ATXN1: variants seen among roughly 807,000 people sequenced by gnomAD.
The protein encoded by ATXN1 is ataxin-1.
A neutral mutation model predicts 56.4 loss-of-function variants in ATXN1; 8 were observed. The observed-to-expected ratio is 0.14, with a 90% CI of 0.08 to 0.26. ATXN1 has a LOEUF of 0.26. Ranked by LOEUF, ATXN1 falls within the 10% of genes least tolerant of loss-of-function variation. ATXN1 has a pLI of 1.00. For missense variants in ATXN1, 987 were observed against 1,106.5 expected (o/e 0.89, Z 1.53); for synonymous variants, 514 against 494.6 (o/e 1.04, Z -0.52).
Position 16,304,767 on chromosome 6 carries a change from A to C in ATXN1, c.*1562T>G, listed in dbSNP as rs1161656799. ...ATGTTATTGGATAAAAACTGCAGGA[A>C]TATCACACAAGTTATAAACTCAATA... On this transcript the variant is annotated 3_prime_UTR_variant, in exon 8 of 8. Transcript: ENST00000436367. 1 of 152,692 alleles carries C rather than the reference A, an allele frequency of 6.5e-6. No individual in the cohort carries two copies. Among genetic ancestry groups the C allele is most frequent in the Non-Finnish European group, 1.5e-5 (1 of 68,044 alleles). The allele number at this position is 152,692 out of a possible 1,614,324, so 9.5% of individuals were successfully genotyped here.
intron 6 of ATXN1, among the ~76,000 whole-genome samples, chr6:16,434,091 A>G (rs530700732): frequency 6.6e-6 from 1 of 152,346 alleles, no homozygotes; most frequent in Admixed American, 6.5e-5. Context: ...ATTGGCATTT[A>G]TAATATTTGT....
At chr6:16,348,410 T>C (rs1037861707) in intron 6 of ATXN1, among the ~76,000 whole-genome samples, 3 of 152,054 alleles carry the variant, frequency 2.0e-5, no homozygotes, top group African/African-American at 4.8e-5. Flanking sequence ...AAAATGAAGA[T>C]AGTATGGCGA....
chr6:16,557,107 T>C (rs1041301310), intron 4 of ATXN1, among the ~76,000 whole-genome samples: 5 of 151,998 alleles, frequency 3.3e-5, no homozygotes, highest in African/African-American at 1.2e-4. Flanking sequence ...GCAGATCACT[T>C]GAGGTCAGGA....
At chr6:16,434,048 G>A (rs1235670787) in intron 6 of ATXN1, among the ~76,000 whole-genome samples, 1 of 152,208 alleles carries the variant, frequency 6.6e-6, no homozygotes, top group Non-Finnish European at 1.5e-5. Context: ...GACACCATAT[G>A]CTATGGGTTA....
At chr6:16,684,879 T>G (rs72825594) in intron 2 of ATXN1, among the ~76,000 whole-genome samples, 12,778 of 151,986 alleles carry the variant, frequency 0.084, 720 homozygotes, top group Middle Eastern at 0.12. Flanking sequence ...AATTAAGGAT[T>G]CTTCATTAAT....
intron 2 of ATXN1, among the ~76,000 whole-genome samples, chr6:16,735,376 G>A (rs544570513): frequency 2.2e-3 from 341 of 152,168 alleles, no homozygotes; most frequent in African/African-American, 7.9e-3. Context: ...GTTTCTGATC[G>A]CAAATAAATA....
chr6:16,517,893 G>T (rs1174836629), intron 5 of ATXN1, among the ~76,000 whole-genome samples: 2 of 152,208 alleles, frequency 1.3e-5, no homozygotes, highest in South Asian at 2.1e-4. Context: ...GGGCACCAGG[G>T]ATGTCCAGGT....
chr6:16,644,986 G>C (rs1408434205), intron 3 of ATXN1, among the ~76,000 whole-genome samples: 1 of 152,118 alleles, frequency 6.6e-6, no homozygotes, highest in African/African-American at 2.4e-5. Flanking sequence ...ATACAGATTT[G>C]GGCCAAATTT....
intron 5 of ATXN1, among the ~76,000 whole-genome samples, chr6:16,516,560 G>T (rs1457501937): frequency 6.6e-6 from 1 of 152,180 alleles, no homozygotes; most frequent in Non-Finnish European, 1.5e-5. Flanking sequence ...ATGCATGGAG[G>T]ACAGTTGTCC....
rs1758504399 is a variant in ATXN1 at position 16,669,817 on chromosome 6, G to A, written c.-614-11916C>T. Among the ~76,000 whole-genome samples, 3 of 151,942 alleles carry A rather than the reference G, an allele frequency of 2.0e-5. No homozygotes were observed. The South Asian group carries it at 6.2e-4, about 32-fold the overall frequency. On this transcript the variant is annotated intron_variant, in intron 2 of 7. Coordinates refer to ENST00000436367, the MANE Select transcript of ATXN1 (RefSeq NM_001128164.2). ...TAAGCCCCAAATGCATTAGGTATTT[G>A]TCCAAATGGAACTCAGCAGTCAGCA...
chr6:16,368,169 C>CA (rs58374104), intron 6 of ATXN1, among the ~76,000 whole-genome samples: 6,206 of 131,626 alleles, frequency 0.047, 161 homozygotes, highest in African/African-American at 0.077. Context: ...GAATCTGTCT[C>CA]AAAAAAAAAA....
intron 2 of ATXN1, among the ~76,000 whole-genome samples, chr6:16,691,607 G>A (rs530756839): frequency 6.6e-6 from 1 of 152,310 alleles, no homozygotes; most frequent in African/African-American, 2.4e-5. Flanking sequence ...TATACAGGCT[G>A]AAGTACAATG....
intron 2 of ATXN1, among the ~76,000 whole-genome samples, chr6:16,678,985 G>A (rs146393693): frequency 7.9e-5 from 12 of 151,462 alleles, no homozygotes; most frequent in Admixed American, 2.0e-4. Context: ...GCGGTAAGCC[G>A]AGATCACGCC....
intron 4 of ATXN1, among the ~76,000 whole-genome samples, chr6:16,579,932 A>G (rs1039130888): frequency 1.3e-5 from 2 of 152,170 alleles, no homozygotes. Flanking sequence ...AAAAAAAACT[A>G]CCTTCCCAAA....
intron 6 of ATXN1, among the ~76,000 whole-genome samples, chr6:16,443,288 G>T (rs544671667): frequency 6.7e-6 from 1 of 148,292 alleles, no homozygotes; most frequent in African/African-American, 2.5e-5. Context: ...GCCTAAAAAT[G>T]GTAAAAAGGA....
chr6:16,431,605 TTAAC>T (rs1282766532), intron 6 of ATXN1, among the ~76,000 whole-genome samples: 3 of 152,170 alleles, frequency 2.0e-5, no homozygotes, highest in African/African-American at 7.2e-5. Flanking sequence ...TATTGGGTAT[TTAAC>T]TATTTTCCAG....
chr6:16,348,415 T>C (rs1581706174), intron 6 of ATXN1, among the ~76,000 whole-genome samples: 1 of 152,118 alleles, frequency 6.6e-6, no homozygotes. Context: ...GAAGATAGTA[T>C]GGCGAGGCAC....
At chr6:16,759,001 T>C (rs1472282065) in intron 1 of ATXN1, among the ~76,000 whole-genome samples, 1 of 152,124 alleles carries the variant, frequency 6.6e-6, no homozygotes, top group African/African-American at 2.4e-5. Flanking sequence ...AGCTCAAGTA[T>C]CAAACTACCT....
chr6:16,362,066 C>A (rs1761818943), intron 6 of ATXN1, among the ~76,000 whole-genome samples: 1 of 152,174 alleles, frequency 6.6e-6, no homozygotes, highest in Admixed American at 6.5e-5. Flanking sequence ...CCGGGTCAGC[C>A]CTGCTGTGTC....
Sources: allele counts gnomAD v4.1 joint callset (sites outside exome capture counted in the v4.1 genomes callset), GRCh38; gene constraint gnomAD v4.1.1; transcripts MANE v1.5; gene names NCBI Gene and HGNC (gene_info 2026-07-23, HGNC 2026-07-21).